OTOGL: variants seen among roughly 807,000 people sequenced by gnomAD.
OTOGL encodes otogelin-like protein.
OTOGL carries 285 observed loss-of-function variants against 318.5 expected under a neutral mutation model. The observed-to-expected ratio is 0.89, with a 90% CI of 0.81 to 0.99. OTOGL has a LOEUF of 0.99. Among genes scored for constraint, OTOGL ranks in the 50% least tolerant of loss-of-function variants. OTOGL has a pLI of 0.00. For synonymous variants in OTOGL, 987 were observed against 936.5 expected, an observed-to-expected ratio of 1.05 and a Z score of -0.99; for missense variants, 2,899 against 2,845.6, an observed-to-expected ratio of 1.02 and a Z score of -0.43.
chr12:80,126,365 A>C (rs1215629254), intron 1 of OTOGL, among the ~76,000 whole-genome samples: 1 of 152,112 alleles, frequency 6.6e-6, no homozygotes, highest in African/African-American at 2.4e-5. Context: ...TGAGTTTCTT[A>C]ATCCTGAATT....
chr12:80,371,778 A>G (rs987897649), intron 56 of OTOGL, among the ~76,000 whole-genome samples: 7 of 152,150 alleles, frequency 4.6e-5, no homozygotes, highest in South Asian at 4.1e-4. Flanking sequence ...TTTAAGTAGA[A>G]TAATCCTTTT....
At chr12:80,243,502 G>A (rs1880560206) in intron 11 of OTOGL, among the ~76,000 whole-genome samples, 1 of 151,424 alleles carries the variant, frequency 6.6e-6, no homozygotes, top group South Asian at 2.1e-4. Flanking sequence ...AAGAAATCTT[G>A]AAACATTAAA....
chr12:80,170,855 A>T (rs1003354396), intron 1 of OTOGL, among the ~76,000 whole-genome samples: 26 of 152,174 alleles, frequency 1.7e-4, no homozygotes, highest in Non-Finnish European at 3.5e-4. Flanking sequence ...TTTTTTATAG[A>T]ACAAAATATT....
At chr12:80,356,031 C>G (rs1889878502) in intron 47 of OTOGL, 83 bp downstream of exon 47, 1 of 1,418,718 alleles carries the variant, frequency 7.0e-7, no homozygotes, top group Non-Finnish European at 9.7e-7. Flanking sequence ...ATATATAATG[C>G]TTTGTATTTT....
At chr12:80,229,025 G>A (rs1299116034) in intron 7 of OTOGL, among the ~76,000 whole-genome samples, 1 of 152,148 alleles carries the variant, frequency 6.6e-6, no homozygotes, top group African/African-American at 2.4e-5. Flanking sequence ...AACATGCGAA[G>A]ATTCAAATCG....
At chr12:80,373,305 G>A (rs775082603) in intron 57 of OTOGL, among the ~76,000 whole-genome samples, 2 of 152,088 alleles carry the variant, frequency 1.3e-5, no homozygotes, top group Non-Finnish European at 2.9e-5. Context: ...AGCAGCATGT[G>A]CCTGTGATCC....
rs560252805 is a variant in OTOGL, at chr12:80,307,590, C to T, written c.3333+1895C>T. 3.2e-3 allele frequency among the ~76,000 whole-genome samples: 461 copies of T among 143,860 alleles called. 6 individuals carry two copies. Among genetic ancestry groups the T allele is most frequent in the African/African-American group, 0.011 (425 of 38,634 alleles). 94.4% of individuals were successfully genotyped at this position (143,860 alleles called of 152,430 possible). A position where few individuals can be genotyped will look rare whatever the true frequency, so the allele number is the denominator to read the frequency against. On this transcript the variant is annotated intron_variant, in intron 29 of 58. Transcript: ENST00000547103. ...CTGACCCCCCAACCTCCCTCCTGGACGGGGCGGCTGGCTGGGCGGGGGGCT... is the reference window on the plus strand; with the variant it reads ...CTGACCCCCCAACCTCCCTCCTGGATGGGGCGGCTGGCTGGGCGGGGGGCT...
intron 7 of OTOGL, among the ~76,000 whole-genome samples, chr12:80,225,289 A>G (rs1878730735): frequency 6.6e-6 from 1 of 151,408 alleles, no homozygotes; most frequent in African/African-American, 2.4e-5. Flanking sequence ...CCTTCTCTTT[A>G]AAATGTTCTT....
chr12:80,271,860 C>A (rs1201501330), intron 24 of OTOGL, 50 bp downstream of exon 24: 1 of 1,541,856 alleles, frequency 6.5e-7, no homozygotes, highest in South Asian at 1.2e-5. Flanking sequence ...CCTGAAAGCA[C>A]AATATCTCCT....
At position 80,278,923 on chromosome 12, in the gene OTOGL, G is replaced by C. The variant is rs1318961643; in HGVS notation, c.2790-105G>C. On this transcript the variant is annotated intron_variant, in intron 25 of 58. Transcript: ENST00000547103. ...ACTGGCAATATTCGTAAGGGATATT[G>C]ACTCATGAATTCTCTTGAATACAGA... 2.3e-6 allele frequency: 3 copies of C among 1,304,110 alleles called. No individual in the cohort carries two copies. The African/African-American group carries it at 4.4e-5, about 19-fold the overall frequency. The allele number at this position is 1,304,110 out of a possible 1,614,324, so 80.8% of individuals were successfully genotyped here. A position where few individuals can be genotyped will look rare whatever the true frequency, so the allele number is the denominator to read the frequency against.
chr12:80,211,176 A>G (rs1877225340), intron 3 of OTOGL, among the ~76,000 whole-genome samples: 1 of 152,020 alleles, frequency 6.6e-6, no homozygotes, highest in African/African-American at 2.4e-5. Context: ...TTTCATTTCA[A>G]AAGTTTGTAA....
chr12:80,341,195 G>C (rs1321317356), intron 43 of OTOGL, among the ~76,000 whole-genome samples: 1 of 152,058 alleles, frequency 6.6e-6, no homozygotes, highest in African/African-American at 2.4e-5. Context: ...CACTGCATTT[G>C]GTGAAGAGTA....
chr12:80,311,344 G>A (rs1003701597), intron 30 of OTOGL, among the ~76,000 whole-genome samples: 2 of 152,186 alleles, frequency 1.3e-5, no homozygotes, highest in African/African-American at 4.8e-5. Context: ...TTTTCTCTTG[G>A]AATACCATTC....
intron 30 of OTOGL, among the ~76,000 whole-genome samples, chr12:80,312,815 T>C (rs920527127): frequency 1.3e-5 from 2 of 152,056 alleles, no homozygotes; most frequent in African/African-American, 4.8e-5. Flanking sequence ...TTTCTTCTTC[T>C]TCTTCTTTTT....
At chr12:80,225,583 C>G (rs1878760161) in intron 7 of OTOGL, among the ~76,000 whole-genome samples, 1 of 152,070 alleles carries the variant, frequency 6.6e-6, no homozygotes, top group Admixed American at 6.6e-5. Context: ...CATTGGTTAA[C>G]AGCTTCACCT....
intron 26 of OTOGL, among the ~76,000 whole-genome samples, chr12:80,280,483 G>A (rs1884147111): frequency 6.6e-6 from 1 of 151,904 alleles, no homozygotes; most frequent in African/African-American, 2.4e-5. Context: ...TTTAATGCAA[G>A]GAAATGTTCC....
At chr12:80,363,938 A>T (rs896203) in intron 52 of OTOGL, among the ~76,000 whole-genome samples, 108,748 of 151,774 alleles carry the variant, frequency 0.72, 40,831 homozygotes, top group Non-Finnish European at 0.84. Context: ...ATTTTTTCCC[A>T]AGTGGATTTC....
At chr12:80,276,320 G>A (rs1026555474) in intron 24 of OTOGL, among the ~76,000 whole-genome samples, 2 of 151,762 alleles carry the variant, frequency 1.3e-5, no homozygotes, top group Non-Finnish European at 1.5e-5. Flanking sequence ...TACCTTAGGG[G>A]ACTGTCACTA....
chr12:80,339,449 C>A (rs1888634490), intron 43 of OTOGL, among the ~76,000 whole-genome samples, 185 bp downstream of exon 43: 1 of 151,748 alleles, frequency 6.6e-6, no homozygotes, highest in African/African-American at 2.4e-5. Context: ...TGCTAAGAAG[C>A]AGGAAATAAC....
Sources: gnomAD v4.1 joint callset for allele counts (sites outside exome capture counted in the v4.1 genomes callset) on GRCh38, gnomAD v4.1.1 for gene constraint, MANE v1.5 for transcripts, NCBI Gene and HGNC (gene_info 2026-07-23, HGNC 2026-07-21) for gene names.